The following VWA3B variants were observed in gnomAD, a reference collection of about 807,000 sequenced individuals.
VWA3B encodes von Willebrand factor A domain-containing protein 3B.
VWA3B carries 138 observed loss-of-function variants against 158.3 expected under a neutral mutation model. That is an observed-to-expected ratio of 0.87 (90% CI 0.76 to 1.00). The LOEUF (loss-of-function observed/expected upper bound fraction) is 1.00. VWA3B is among the 50% of genes least tolerant of loss of function. VWA3B has a pLI of 0.00. For synonymous variants in VWA3B, 596 were observed against 587.3 expected (o/e 1.01, Z -0.21); for missense variants, 1,555 against 1,565.1 (o/e 0.99, Z 0.11).
intron 21 of VWA3B, among the ~76,000 whole-genome samples, chr2:98,261,690 A>T (rs1351180191): frequency 6.6e-6 from 1 of 151,622 alleles, no homozygotes; most frequent in Non-Finnish European, 1.5e-5. Context: ...TTCTTGACTG[A>T]CATATTTTTT....
At chr2:98,247,496 C>A (rs1199780150) in intron 19 of VWA3B, among the ~76,000 whole-genome samples, 1 of 152,094 alleles carries the variant, frequency 6.6e-6, no homozygotes, top group Non-Finnish European at 1.5e-5. Context: ...AATTTTTTAA[C>A]AGTTTCAGCT....
At chr2:98,270,972 C>A in intron 22 of VWA3B, 89 bp downstream of exon 22, 1 of 1,234,392 alleles carries the variant, frequency 8.1e-7, no homozygotes, top group Non-Finnish European at 1.1e-6. Flanking sequence ...CTCTGTCTCC[C>A]ACTCCCCGCC....
At chr2:98,182,342 T>G (rs1343229265) in intron 9 of VWA3B, among the ~76,000 whole-genome samples, 2 of 152,156 alleles carry the variant, frequency 1.3e-5, no homozygotes, top group Non-Finnish European at 2.9e-5. Flanking sequence ...ATGCCCTCCA[T>G]GGAAAGGGCA....
intron 14 of VWA3B, among the ~76,000 whole-genome samples, chr2:98,220,834 GCT>G (rs1235181962): frequency 2.6e-5 from 4 of 152,164 alleles, no homozygotes; most frequent in African/African-American, 9.7e-5. Flanking sequence ...CATGGATGAA[GCT>G]GGAAGCCATC....
At chr2:98,163,515 C>A (rs1055263653) in intron 8 of VWA3B, among the ~76,000 whole-genome samples, 1 of 152,082 alleles carries the variant, frequency 6.6e-6, no homozygotes, top group Non-Finnish European at 1.5e-5. Context: ...TCCAGCCTAG[C>A]AATGGAGAGA....
intron 11 of VWA3B, among the ~76,000 whole-genome samples, chr2:98,193,971 T>TC (rs1681817018): frequency 6.6e-6 from 1 of 152,216 alleles, no homozygotes; most frequent in South Asian, 2.1e-4. Flanking sequence ...TGGCTTTACC[T>TC]AAAAGAGAAT....
chr2:98,134,598 A>C (rs1676125027), intron 7 of VWA3B, among the ~76,000 whole-genome samples: 2 of 152,086 alleles, frequency 1.3e-5, no homozygotes, highest in Admixed American at 1.3e-4. Context: ...AACCCCACTG[A>C]GAAAAGGAGG....
intron 8 of VWA3B, among the ~76,000 whole-genome samples, chr2:98,176,072 C>T (rs1027018865): frequency 6.6e-6 from 1 of 152,176 alleles, no homozygotes; most frequent in Non-Finnish European, 1.5e-5. Context: ...TGGGCTTCAT[C>T]TTACCTTCAG....
chr2:98,324,168 C>CT, the VWA3B span, among the ~76,000 whole-genome samples: 150 of 144,542 alleles, frequency 1.0e-3, no homozygotes, highest in African/African-American at 1.7e-3. Context: ...GTCTCTGACA[C>CT]TTTTTTTTTT....
chr2:98,092,592 T>G (rs905240608), intron 1 of VWA3B, among the ~76,000 whole-genome samples: 87 of 151,642 alleles, frequency 5.7e-4, no homozygotes, highest in African/African-American at 1.6e-3. Context: ...GCAGTGAGCC[T>G]AGATTGTGCC....
At chr2:98,256,604 G>A (rs1687161466) in intron 21 of VWA3B, among the ~76,000 whole-genome samples, 1 of 152,086 alleles carries the variant, frequency 6.6e-6, no homozygotes, top group Admixed American at 6.5e-5. Context: ...CGGGCATTTG[G>A]GTTGCTTCCG....
chr2:98,280,880 A>T (rs1348556129), intron 22 of VWA3B, among the ~76,000 whole-genome samples: 3 of 152,210 alleles, frequency 2.0e-5, no homozygotes, highest in African/African-American at 7.2e-5. Context: ...GCCCCCGCCC[A>T]GATGTGCCGT....
In VWA3B at chr2:98,181,177, G is replaced by A; in HGVS notation, c.1276G>A (p.Ala426Thr). 6.2e-7 allele frequency: 1 copy of A among 1,614,220 alleles called. No individual in the cohort carries two copies. The highest frequency in any genetic ancestry group is 8.5e-7 in the Non-Finnish European group (1 of 1,180,016). ...RHADGVVDIKAKPENESVQTS... is the reference protein window; with the variant it reads ...RHADGVVDIKTKPENESVQTS... The stretch of plus-strand genomic sequence containing the variant: ...CGCTGATGGGGTTGTGGATATAAAA[G>A]CCAAACCGGAGAATGAGTCCGTGCA... The change falls in exon 9 of 28, where the codon GCC (alanine) becomes ACC (threonine). Residue 426 changes from alanine to threonine, a missense_variant. Ala to Thr is a moderately conservative substitution (Grantham distance 58). Coordinates refer to ENST00000477737, the MANE Select transcript of VWA3B (RefSeq NM_144992.5).
intron 21 of VWA3B, among the ~76,000 whole-genome samples, chr2:98,268,596 G>T (rs1688003335): frequency 6.7e-6 from 1 of 148,846 alleles, no homozygotes; most frequent in Non-Finnish European, 1.5e-5. Flanking sequence ...TGTATTTGTT[G>T]TCTCTGTTTT....
chr2:98,105,524 T>A (rs1673574804), intron 2 of VWA3B, among the ~76,000 whole-genome samples: 1 of 152,174 alleles, frequency 6.6e-6, no homozygotes, highest in African/African-American at 2.4e-5. Flanking sequence ...CCTCCTATGT[T>A]TTTTTCTAAA....
At chr2:98,105,761 T>C (rs530381655) in intron 2 of VWA3B, among the ~76,000 whole-genome samples, 2 of 148,648 alleles carry the variant, frequency 1.3e-5, no homozygotes, top group South Asian at 4.2e-4. Context: ...AAGCAAATGG[T>C]TCATTTTTTT....
At chr2:98,201,649 C>T (rs1429931302) in intron 12 of VWA3B, among the ~76,000 whole-genome samples, 1 of 152,028 alleles carries the variant, frequency 6.6e-6, no homozygotes, top group Non-Finnish European at 1.5e-5. Flanking sequence ...TGTGCTTTAT[C>T]TTGTTAACCA....
intron 12 of VWA3B, among the ~76,000 whole-genome samples, chr2:98,202,506 G>A (rs994717943): frequency 2.0e-5 from 3 of 151,328 alleles, no homozygotes; most frequent in Non-Finnish European, 4.4e-5. Context: ...AAATTGTGTT[G>A]ATTCCTGCTA....
intron 7 of VWA3B, among the ~76,000 whole-genome samples, chr2:98,135,765 A>G (rs1676239039): frequency 2.0e-5 from 3 of 152,202 alleles, no homozygotes; most frequent in African/African-American, 7.2e-5. Flanking sequence ...TGTCCATCAC[A>G]ATGTCCCAGA....
Sources: gnomAD v4.1 joint callset for allele counts (sites outside exome capture counted in the v4.1 genomes callset) on GRCh38, gnomAD v4.1.1 for gene constraint, MANE v1.5 for transcripts, NCBI Gene and HGNC (gene_info 2026-07-23, HGNC 2026-07-21) for gene names.